Variants in RAD51B observed in about 807,000 individuals in gnomAD.
RAD51B encodes the protein RAD51 paralog B.
A neutral mutation model predicts 42.2 loss-of-function variants in RAD51B; 38 were observed. That is an observed-to-expected ratio of 0.90 (90% CI 0.70 to 1.18). RAD51B has a LOEUF of 1.18. Ranked by LOEUF, RAD51B falls within the 50% of genes most tolerant of loss-of-function variation. The pLI, the probability that RAD51B is intolerant of heterozygous loss-of-function variation, is 0.00. For synonymous variants in RAD51B, 154 were observed against 145.2 expected, an observed-to-expected ratio of 1.06 and a Z score of -0.43; for missense variants, 373 against 400.7, an observed-to-expected ratio of 0.93 and a Z score of 0.59.
intron 7 of RAD51B, among the ~76,000 whole-genome samples, chr14:68,137,871 A>G (rs2078043172): frequency 6.6e-6 from 1 of 152,176 alleles, no homozygotes; most frequent in Non-Finnish European, 1.5e-5. Context: ...GTATTCACAG[A>G]TGAGGCGCTC....
chr14:68,580,618 T>C (rs952505920), intron 10 of RAD51B, among the ~76,000 whole-genome samples: 2 of 152,164 alleles, frequency 1.3e-5, no homozygotes, highest in African/African-American at 4.8e-5. Context: ...GATTTTGTTC[T>C]TAGCTGTAGC....
chr14:68,509,455 C>T (rs528798499), intron 10 of RAD51B, among the ~76,000 whole-genome samples: 6 of 152,248 alleles, frequency 3.9e-5, no homozygotes, highest in African/African-American at 9.6e-5. Flanking sequence ...ATGGGACTGT[C>T]GGGTTGTCAG....
intron 8 of RAD51B, among the ~76,000 whole-genome samples, chr14:68,381,366 G>A (rs984384187): frequency 1.3e-5 from 2 of 152,128 alleles, no homozygotes; most frequent in Non-Finnish European, 2.9e-5. Context: ...TGATCATGGT[G>A]CATTTCTGTT....
chr14:67,841,838 TG>T (rs1297001955), intron 4 of RAD51B, among the ~76,000 whole-genome samples: 1 of 152,210 alleles, frequency 6.6e-6, no homozygotes, highest in African/African-American at 2.4e-5. Flanking sequence ...TCAGGTAGTG[TG>T]ATGCCTCTAG....
In RAD51B at chr14:68,411,526, AG is replaced by A. The variant is rs1297570341; in HGVS notation, c.957+1del. On this transcript the variant is annotated frameshift_variant and splice_region_variant, in exon 9 of 11. Transcript: ENST00000471583. LOFTEE classifies it high-confidence loss of function. ...ILQYLDSERR[Q>X]ILIAKSPLAP... ...CAGTACCTTGATTCAGAGAGAAGAC[AG>A]GTGGGTGCTTTGACAGTATTCTCTG... is the stretch of plus-strand genomic sequence containing the variant. 6.2e-7 allele frequency: 1 copy of A among 1,613,146 alleles called. No homozygotes were observed. The highest frequency in any genetic ancestry group is 8.5e-7 in the Non-Finnish European group (1 of 1,179,252).
In RAD51B at chr14:67,835,167, G is replaced by A; in HGVS notation, c.286G>A (p.Gly96Ser). 1 of 1,613,872 alleles carries A rather than the reference G, an allele frequency of 6.2e-7. No individual in the cohort carries two copies. Among genetic ancestry groups the A allele is most frequent in the Non-Finnish European group, 8.5e-7 (1 of 1,179,824 alleles). Residue 96 changes from glycine (G) to serine (S), a missense_variant, in exon 4 of 11, where the codon GGT becomes AGT. Transcript: ENST00000471583. ...TLSALDEALH[G>S]GVACGSLTEI... ...TTCTGCTTTGGACGAAGCCCTGCAT[G>A]GTGGTGTGGCTTGTGGATCCCTCAC...
At chr14:68,068,165 T>G (rs755052557) in intron 7 of RAD51B, among the ~76,000 whole-genome samples, 1 of 152,090 alleles carries the variant, frequency 6.6e-6, no homozygotes, top group Non-Finnish European at 1.5e-5. Flanking sequence ...AATGTACAAT[T>G]TAGTGGTTTT....
At chr14:68,461,636 T>C (rs1484533850) in intron 9 of RAD51B, among the ~76,000 whole-genome samples, 1 of 152,212 alleles carries the variant, frequency 6.6e-6, no homozygotes, top group Non-Finnish European at 1.5e-5. Flanking sequence ...CCAAGTCCTA[T>C]TGCACTTTCT....
At chr14:67,920,977 G>C (rs751932017) in intron 7 of RAD51B, among the ~76,000 whole-genome samples, 1 of 152,200 alleles carries the variant, frequency 6.6e-6, no homozygotes, top group Non-Finnish European at 1.5e-5. Context: ...TTTGGTTGTA[G>C]CATAGAGTAA....
At chr14:67,849,813 C>T (rs1426277330) in intron 4 of RAD51B, among the ~76,000 whole-genome samples, 1 of 151,956 alleles carries the variant, frequency 6.6e-6, no homozygotes, top group African/African-American at 2.4e-5. Flanking sequence ...TCAGTCTTTT[C>T]TTTTATATCT....
chr14:68,364,934 T>C (rs961831005), intron 8 of RAD51B, among the ~76,000 whole-genome samples: 1 of 152,224 alleles, frequency 6.6e-6, no homozygotes, highest in African/African-American at 2.4e-5. Flanking sequence ...TCAATAGTTT[T>C]AGGGCAGGAA....
chr14:68,205,772 A>T (rs2079572947), intron 7 of RAD51B, among the ~76,000 whole-genome samples: 1 of 152,160 alleles, frequency 6.6e-6, no homozygotes, highest in African/African-American at 2.4e-5. Flanking sequence ...TATATGTATA[A>T]TATTTTTCTG....
intron 10 of RAD51B, chr14:68,540,308 A>G: frequency 1.5e-5 from 16 of 1,044,716 alleles, no homozygotes; most frequent in Non-Finnish European, 1.8e-5. Flanking sequence ...ACCACACCAC[A>G]ACACTGTTGG....
At chr14:68,022,333 T>C (rs2075880715) in intron 7 of RAD51B, among the ~76,000 whole-genome samples, 1 of 152,214 alleles carries the variant, frequency 6.6e-6, no homozygotes, top group South Asian at 2.1e-4. Context: ...CGATCCATTA[T>C]TGATGGGCAC....
intron 7 of RAD51B, among the ~76,000 whole-genome samples, chr14:67,995,520 C>T (rs1298998578): frequency 6.6e-6 from 1 of 152,164 alleles, no homozygotes; most frequent in Non-Finnish European, 1.5e-5. Context: ...TTGCTCCTTC[C>T]ATCCCAAGTT....
intron 7 of RAD51B, among the ~76,000 whole-genome samples, chr14:67,966,079 G>C (rs1454056263): frequency 3.3e-5 from 5 of 152,156 alleles, no homozygotes; most frequent in Non-Finnish European, 7.4e-5. Flanking sequence ...AAAGGATAGA[G>C]GGAAATAGCT....
intron 7 of RAD51B, among the ~76,000 whole-genome samples, chr14:67,900,560 G>A (rs1595081497): frequency 6.7e-6 from 1 of 149,182 alleles, no homozygotes; most frequent in Non-Finnish European, 1.5e-5. Flanking sequence ...CTTAAAGTAG[G>A]TATTTTAGAC....
chr14:68,016,365 A>G (rs1170269122), intron 7 of RAD51B, among the ~76,000 whole-genome samples: 2 of 152,146 alleles, frequency 1.3e-5, no homozygotes, highest in Non-Finnish European at 2.9e-5. Context: ...ACATGATACA[A>G]CTAGATGTGG....
chr14:67,898,370 G>A (rs1274459087), intron 7 of RAD51B, among the ~76,000 whole-genome samples: 1 of 152,188 alleles, frequency 6.6e-6, no homozygotes, highest in African/African-American at 2.4e-5. Context: ...CTAGTATATG[G>A]AATCTAAAAT....
Sources: gnomAD v4.1 joint callset for allele counts (sites outside exome capture counted in the v4.1 genomes callset) on GRCh38, gnomAD v4.1.1 for gene constraint, MANE v1.5 for transcripts, NCBI Gene and HGNC (gene_info 2026-07-23, HGNC 2026-07-21) for gene names.